FHIT: variants seen among roughly 807,000 people sequenced by gnomAD.
The protein encoded by FHIT is fragile histidine triad diadenosine triphosphatase.
A neutral mutation model predicts 17.9 loss-of-function variants in FHIT; 19 were observed. The ratio of observed to expected loss-of-function variants is 1.06; its 90% CI spans 0.74 to 1.56. The LOEUF is 1.56. FHIT is among the 40% of genes most tolerant of loss of function. The pLI is 0.00. For missense variants in FHIT, 248 were observed against 189.2 expected (o/e 1.31, Z -1.82); for synonymous variants, 81 against 69.7 (o/e 1.16, Z -0.81).
chr3:61,103,502 A>G (rs928312315), intron 2 of FHIT, among the ~76,000 whole-genome samples: 4 of 152,098 alleles, frequency 2.6e-5, no homozygotes, highest in African/African-American at 9.7e-5. Flanking sequence ...AATACATGCA[A>G]TGTGGTGCTG....
At chr3:60,565,030 T>A (rs1019617718) in intron 4 of FHIT, among the ~76,000 whole-genome samples, 2 of 152,162 alleles carry the variant, frequency 1.3e-5, no homozygotes, top group Non-Finnish European at 2.9e-5. Context: ...CCACCCAACT[T>A]TCAGCAACCA....
chr3:60,474,752 T>C (rs991286244), intron 5 of FHIT, among the ~76,000 whole-genome samples: 1 of 151,796 alleles, frequency 6.6e-6, no homozygotes, highest in Admixed American at 6.6e-5. Flanking sequence ...GCCTCCCGAG[T>C]AGCTGGGATT....
At chr3:60,266,456 A>C (rs1399206670) in intron 5 of FHIT, among the ~76,000 whole-genome samples, 2 of 152,096 alleles carry the variant, frequency 1.3e-5, no homozygotes, top group African/African-American at 2.4e-5. Context: ...GTGGTGATGA[A>C]AATGGTCTAA....
intron 4 of FHIT, among the ~76,000 whole-genome samples, chr3:60,725,141 T>C (rs1553709111): frequency 6.6e-6 from 1 of 152,184 alleles, no homozygotes; most frequent in African/African-American, 2.4e-5. Context: ...ATTTGTCTTT[T>C]TATTATTGAT....
intron 1 of FHIT, among the ~76,000 whole-genome samples, chr3:61,206,439 C>T (rs550922885): frequency 6.6e-6 from 1 of 151,768 alleles, no homozygotes; most frequent in East Asian, 1.9e-4. Flanking sequence ...ATTGATTCTT[C>T]CTACCCATGG....
At chr3:60,273,521 A>G (rs952411795) in intron 5 of FHIT, among the ~76,000 whole-genome samples, 6 of 152,078 alleles carry the variant, frequency 3.9e-5, no homozygotes, top group Admixed American at 6.6e-5. Flanking sequence ...GAGGGGGAGA[A>G]TTGCTTGAAC....
chr3:60,877,305 G>T (rs1704710838), intron 3 of FHIT, among the ~76,000 whole-genome samples: 1 of 152,218 alleles, frequency 6.6e-6, no homozygotes, highest in Non-Finnish European at 1.5e-5. Flanking sequence ...CAGCCAAGCT[G>T]CCAGCAGCTG....
intron 4 of FHIT, among the ~76,000 whole-genome samples, chr3:60,561,920 G>GAAAA: frequency 6.6e-6 from 1 of 151,308 alleles, no homozygotes; most frequent in East Asian, 2.0e-4. Context: ...GAGAGAGAAA[G>GAAAA]AGAGAAAGAA....
intron 5 of FHIT, among the ~76,000 whole-genome samples, chr3:60,279,658 A>C (rs1707335798): frequency 6.6e-6 from 1 of 152,192 alleles, no homozygotes; most frequent in Non-Finnish European, 1.5e-5. Context: ...ACATGATATA[A>C]AAAGCGTCAA....
intron 3 of FHIT, among the ~76,000 whole-genome samples, chr3:60,953,904 G>T (rs373296066): frequency 8.6e-4 from 130 of 151,978 alleles, no homozygotes; most frequent in African/African-American, 3.0e-3. Context: ...ATTTGGCTCA[G>T]TTTAAACTCT....
chr3:60,480,934 C>A (rs1352680260), intron 5 of FHIT, among the ~76,000 whole-genome samples: 11 of 152,198 alleles, frequency 7.2e-5, no homozygotes, highest in Non-Finnish European at 4.4e-5. Context: ...TAGGCAGTGC[C>A]CCAGTGGGGA....
intron 2 of FHIT, among the ~76,000 whole-genome samples, chr3:61,104,785 T>C: frequency 6.6e-6 from 1 of 152,192 alleles, no homozygotes; most frequent in East Asian, 1.9e-4. Context: ...CTTTTTTCTC[T>C]ATTATCTGAC....
intron 5 of FHIT, among the ~76,000 whole-genome samples, chr3:60,523,891 T>C (rs1018910445): frequency 6.6e-6 from 1 of 152,214 alleles, no homozygotes; most frequent in Non-Finnish European, 1.5e-5. Flanking sequence ...TCCAAGCATG[T>C]GTTCATGTGT....
chr3:60,749,853 A>G (rs1385117884), intron 4 of FHIT, among the ~76,000 whole-genome samples: 2 of 152,200 alleles, frequency 1.3e-5, no homozygotes, highest in African/African-American at 4.8e-5. Context: ...TAAGCAACAA[A>G]TCTTAGTTAA....
chr3:61,224,805 G>A (rs1451786236), intron 1 of FHIT, among the ~76,000 whole-genome samples: 1 of 152,144 alleles, frequency 6.6e-6, no homozygotes, highest in Admixed American at 6.6e-5. Flanking sequence ...AATCAATAAT[G>A]TGTCACTCAA....
intron 4 of FHIT, among the ~76,000 whole-genome samples, chr3:60,786,751 C>A (rs1700589989): frequency 6.6e-6 from 1 of 152,066 alleles, no homozygotes; most frequent in African/African-American, 2.4e-5. Context: ...TTCACCAGTG[C>A]TTTGCACAGG....
At chr3:59,930,061 C>T (rs560611176) in intron 7 of FHIT, among the ~76,000 whole-genome samples, 1 of 152,282 alleles carries the variant, frequency 6.6e-6, no homozygotes, top group Non-Finnish European at 1.5e-5. Context: ...TGCTAGAGAA[C>T]TCTGAGAACC....
chr3:59,986,951 A>T (rs1708999599), intron 7 of FHIT, among the ~76,000 whole-genome samples: 1 of 124,842 alleles, frequency 8.0e-6, no homozygotes, highest in East Asian at 2.2e-4. Context: ...ATATACATAT[A>T]TGTATATATG....
chr3:60,234,197 T>C (rs891722709), intron 5 of FHIT, among the ~76,000 whole-genome samples: 1 of 152,154 alleles, frequency 6.6e-6, no homozygotes, highest in African/African-American at 2.4e-5. Context: ...ATTAAAGCTG[T>C]GTACATAGCA....
Sources: allele counts gnomAD v4.1 joint callset (sites outside exome capture counted in the v4.1 genomes callset), GRCh38; gene constraint gnomAD v4.1.1; transcripts MANE v1.5; gene names NCBI Gene and HGNC (gene_info 2026-07-23, HGNC 2026-07-21).